Variants in NUMB observed in about 807,000 individuals in gnomAD.
NUMB encodes the protein NUMB endocytic adaptor protein.
A neutral mutation model predicts 59.7 loss-of-function variants in NUMB; 29 were observed. That is an observed-to-expected ratio of 0.49 (90% CI 0.36 to 0.66). NUMB has a LOEUF of 0.66. Ranked by LOEUF, NUMB falls within the 30% of genes least tolerant of loss-of-function variation. The probability of loss-of-function intolerance (pLI) is 0.00; values close to 1 mark genes in which losing one functional copy is unlikely to be tolerated. For missense variants in NUMB, 723 were observed against 822.0 expected (o/e 0.88, Z 1.47); for synonymous variants, 288 against 288.2 (o/e 1.00, Z 0.01).
intron 2 of NUMB, among the ~76,000 whole-genome samples, chr14:73,386,708 T>C (rs566169374): frequency 3.9e-4 from 59 of 152,204 alleles, no homozygotes; most frequent in African/African-American, 1.4e-3. Context: ...CAACATTTGT[T>C]CTATATAGTG....
chr14:73,355,504 C>T (rs532191967), intron 4 of NUMB, 122 bp downstream of exon 4: 5 of 718,774 alleles, frequency 7.0e-6, no homozygotes, highest in African/African-American at 5.4e-5. Flanking sequence ...ATCATTGAAG[C>T]AGAATGTGAA....
intron 9 of NUMB, chr14:73,284,830 CTTTA>C (rs61083636): frequency 0.23 from 35,016 of 151,244 alleles, 4,082 homozygotes; most frequent in South Asian, 0.26. Flanking sequence ...ATATAACAGT[CTTTA>C]TTTATTTATT....
intron 3 of NUMB, among the ~76,000 whole-genome samples, chr14:73,358,543 TAA>T (rs1893934133): frequency 6.6e-6 from 1 of 151,804 alleles, no homozygotes; most frequent in African/African-American, 2.4e-5. Context: ...CATGTCTGGT[TAA>T]AGTCTACTCA....
intron 1 of NUMB, among the ~76,000 whole-genome samples, chr14:73,437,622 A>G (rs1294629434): frequency 6.6e-6 from 1 of 152,250 alleles, no homozygotes; most frequent in Non-Finnish European, 1.5e-5. Context: ...GATTAACACA[A>G]TAACATGGAT....
At chr14:73,411,333 T>TTA (rs1896885761) in intron 1 of NUMB, among the ~76,000 whole-genome samples, 1 of 133,002 alleles carries the variant, frequency 7.5e-6, no homozygotes, top group African/African-American at 3.0e-5. Flanking sequence ...GATGAGTTAA[T>TTA]TATAACCTCT....
chr14:73,278,065 A>AAAC (rs1888320670), intron 12 of NUMB, among the ~76,000 whole-genome samples: 1 of 151,316 alleles, frequency 6.6e-6, no homozygotes, highest in Non-Finnish European at 1.5e-5. Flanking sequence ...AAAAAAAAAA[A>AAAC]AAACACCTAG....
chr14:73,372,311 A>ATATATATATATATATAACCTTT (rs1894722821), intron 2 of NUMB, among the ~76,000 whole-genome samples: 1 of 93,716 alleles, frequency 1.1e-5, no homozygotes, highest in African/African-American at 5.2e-5. Flanking sequence ...TCTTTTATAT[A>ATATATATATATATATAACCTTT]TATATATATA....
intron 2 of NUMB, among the ~76,000 whole-genome samples, chr14:73,402,053 C>T (rs1479237392): frequency 2.0e-5 from 3 of 152,092 alleles, no homozygotes; most frequent in Non-Finnish European, 4.4e-5. Context: ...TTTGTAATGA[C>T]AAGGTCTCAC....
chr14:73,335,703 G>A (rs1018393849), intron 4 of NUMB, among the ~76,000 whole-genome samples: 1 of 152,058 alleles, frequency 6.6e-6, no homozygotes, highest in Non-Finnish European at 1.5e-5. Context: ...CCCTCCCCCT[G>A]CTTTCGTGAT....
At chr14:73,391,376 T>C (rs939060741) in intron 2 of NUMB, among the ~76,000 whole-genome samples, 3 of 151,276 alleles carry the variant, frequency 2.0e-5, no homozygotes, top group Admixed American at 1.3e-4. Flanking sequence ...TTTTAAAAAA[T>C]CATTTCTATC....
intron 2 of NUMB, among the ~76,000 whole-genome samples, chr14:73,402,370 G>A (rs1399144673): frequency 5.3e-5 from 8 of 152,134 alleles, no homozygotes; most frequent in African/African-American, 1.9e-4. Flanking sequence ...AATAGCAGGA[G>A]CAGATGCCTT....
chr14:73,314,247 T>A (rs1024155883), intron 6 of NUMB, among the ~76,000 whole-genome samples: 2 of 152,162 alleles, frequency 1.3e-5, no homozygotes, highest in African/African-American at 4.8e-5. Flanking sequence ...GAGTGTGGGC[T>A]CTGAAGTCAG....
intron 2 of NUMB, among the ~76,000 whole-genome samples, chr14:73,374,162 G>A (rs567800969): frequency 2.6e-5 from 4 of 152,160 alleles, no homozygotes; most frequent in South Asian, 4.1e-4. Context: ...GAGCCACCAC[G>A]CCCAGCCGCT....
intron 4 of NUMB, among the ~76,000 whole-genome samples, chr14:73,324,530 T>G (rs1419540153): frequency 6.6e-6 from 1 of 152,184 alleles, no homozygotes; most frequent in Non-Finnish European, 1.5e-5. Context: ...TAGTCTTGTT[T>G]GGCTTGAATA....
chr14:73,286,714 T>C (rs1889029456), intron 9 of NUMB: 2 of 244,296 alleles, frequency 8.2e-6, no homozygotes, highest in South Asian at 5.7e-5. Flanking sequence ...GCTAGCATCA[T>C]AGTCCGTGGA....
chr14:73,430,474 G>T (rs1897775685), intron 1 of NUMB, among the ~76,000 whole-genome samples: 1 of 151,794 alleles, frequency 6.6e-6, no homozygotes. Context: ...CTATAAAAAA[G>T]GTTTTTTTAA....
intron 10 of NUMB, among the ~76,000 whole-genome samples, chr14:73,282,748 T>C (rs1282830148): frequency 6.6e-6 from 1 of 152,178 alleles, no homozygotes; most frequent in Non-Finnish European, 1.5e-5. Context: ...CTTCCTCCCT[T>C]ACAAATCCCC....
intron 1 of NUMB, among the ~76,000 whole-genome samples, chr14:73,427,206 C>T (rs559496092): frequency 1.2e-3 from 189 of 152,038 alleles, no homozygotes; most frequent in African/African-American, 4.4e-3. Flanking sequence ...AGGCCTGGTG[C>T]GGTGGCTCAC....
chr14:73,332,636 T>C (rs1179540482), intron 4 of NUMB, among the ~76,000 whole-genome samples: 3 of 93,460 alleles, frequency 3.2e-5, no homozygotes, highest in Non-Finnish European at 6.3e-5. Context: ...CCTTTTAATT[T>C]CTATTAACAG....
Sources: gnomAD v4.1 joint callset for allele counts (sites outside exome capture counted in the v4.1 genomes callset) on GRCh38, gnomAD v4.1.1 for gene constraint, MANE v1.5 for transcripts, NCBI Gene and HGNC (gene_info 2026-07-23, HGNC 2026-07-21) for gene names.